The following SLCO1B3 variants were observed in gnomAD, a reference collection of about 807,000 sequenced individuals.
The protein encoded by SLCO1B3 is liver-specific organic anion transporter 2.
A neutral mutation model predicts 71.8 loss-of-function variants in SLCO1B3; 72 were observed. The observed-to-expected ratio is 1.00, with a 90% CI of 0.83 to 1.22. SLCO1B3 has a LOEUF of 1.22. Among genes scored for constraint, SLCO1B3 ranks in the 50% most tolerant of loss-of-function variants. SLCO1B3 has a pLI of 0.00. For synonymous variants in SLCO1B3, 298 were observed against 278.4 expected (o/e 1.07, Z -0.70); for missense variants, 911 against 819.7 (o/e 1.11, Z -1.36).
intron 3 of SLCO1B3, among the ~76,000 whole-genome samples, chr12:20,847,657 T>G (rs1490515385): frequency 1.3e-5 from 2 of 151,972 alleles, no homozygotes; most frequent in African/African-American, 4.8e-5. Context: ...TCATCGAATT[T>G]TAAGATAGGC....
rs762336646 is a variant in SLCO1B3 at position 20,815,754 on chromosome 12, C to T, written c.16C>T (p.His6Tyr). The T allele has an allele frequency of 8.8e-6, 14 of 1,592,640 alleles. No individual in the cohort carries two copies. The highest frequency in any genetic ancestry group is 1.2e-5 in the Non-Finnish European group (14 of 1,166,434). Residue 6 changes from histidine to tyrosine, a missense_variant, in exon 3 of 16, where the codon CAT becomes TAT. By Grantham distance (83) the His-to-Tyr change is moderately conservative. Coordinates refer to ENST00000381545, the MANE Select transcript of SLCO1B3 (RefSeq NM_019844.4). MDQHQHLNKTAESASS... is the reference protein window; with the variant it reads MDQHQYLNKTAESASS... The stretch of plus-strand genomic sequence containing the variant: ...TAGTTTAATAATGGACCAACATCAA[C>T]ATTTGAATAAAACAGCAGAGTCAGC...
intron 3 of SLCO1B3, among the ~76,000 whole-genome samples, chr12:20,831,546 T>G (rs1442214119): frequency 6.6e-6 from 1 of 152,182 alleles, no homozygotes; most frequent in Non-Finnish European, 1.5e-5. Flanking sequence ...TAAAGACTTG[T>G]GTGTCTGCAG....
rs777677238 is a variant in SLCO1B3, at chr12:20,916,282, G to T, written c.*35G>T. The stretch of plus-strand genomic sequence containing the variant: ...GATTCATTAAGATGTTATTTTTGAG[G>T]TGTTCCTGGTCTTTCACTGACAATT... On this transcript the variant is annotated 3_prime_UTR_variant, in exon 16 of 16. Coordinates refer to ENST00000381545, the MANE Select transcript of SLCO1B3 (RefSeq NM_019844.4). The T allele has an allele frequency of 6.3e-7, 1 of 1,592,750 alleles. No individual in the cohort carries two copies. Among genetic ancestry groups the T allele is most frequent in the Non-Finnish European group, 8.6e-7 (1 of 1,167,666 alleles).
At chr12:20,861,341 A>G (rs1242179048) in intron 6 of SLCO1B3, among the ~76,000 whole-genome samples, 3 of 66,494 alleles carry the variant, frequency 4.5e-5, no homozygotes, top group Non-Finnish European at 1.6e-4. Flanking sequence ...GTTCGCTTAT[A>G]TGCAGCTTTT....
intron 13 of SLCO1B3, among the ~76,000 whole-genome samples, chr12:20,898,069 A>G (rs2120364745): frequency 6.6e-6 from 1 of 152,276 alleles, no homozygotes; most frequent in African/African-American, 2.4e-5. Context: ...TCCTGGATAA[A>G]AGTATATAAT....
At chr12:20,832,929 T>C (rs1864573975) in intron 3 of SLCO1B3, among the ~76,000 whole-genome samples, 1 of 139,334 alleles carries the variant, frequency 7.2e-6, no homozygotes, top group African/African-American at 2.5e-5. Context: ...GTGTGTTTAA[T>C]GGCATAAAAC....
At chr12:20,831,817 G>C (rs949501666) in intron 3 of SLCO1B3, among the ~76,000 whole-genome samples, 3 of 152,172 alleles carry the variant, frequency 2.0e-5, no homozygotes, top group African/African-American at 4.8e-5. Flanking sequence ...CATAAAAAGA[G>C]ATGGTGAGAG....
chr12:20,883,765 T>G (rs1015523485), intron 13 of SLCO1B3, among the ~76,000 whole-genome samples, 163 bp downstream of exon 13: 1 of 151,956 alleles, frequency 6.6e-6, no homozygotes, highest in African/African-American at 2.4e-5. Flanking sequence ...ATAACATCAT[T>G]AATAATTTTT....
At chr12:20,896,650 T>C (rs2900462) in intron 13 of SLCO1B3, among the ~76,000 whole-genome samples, 107,164 of 152,026 alleles carry the variant, frequency 0.7, 40,003 homozygotes, top group South Asian at 0.89. Flanking sequence ...ATTTTCTTGT[T>C]TTTTTCTGAG....
At chr12:20,903,393 G>GT (rs1342727273) in intron 15 of SLCO1B3, among the ~76,000 whole-genome samples, 1 of 152,176 alleles carries the variant, frequency 6.6e-6, no homozygotes, top group East Asian at 1.9e-4. Flanking sequence ...AGTAATCAAT[G>GT]TATTAGTCTA....
chr12:20,887,466 AT>A, intron 13 of SLCO1B3, among the ~76,000 whole-genome samples: 1 of 152,078 alleles, frequency 6.6e-6, no homozygotes, highest in Non-Finnish European at 1.5e-5. Context: ...TTCTCTGATG[AT>A]TAGTGATGTT....
chr12:20,823,529 GT>G (rs1338788807), intron 3 of SLCO1B3, among the ~76,000 whole-genome samples: 1 of 152,208 alleles, frequency 6.6e-6, no homozygotes, highest in Non-Finnish European at 1.5e-5. Context: ...GAAAATCATA[GT>G]AGGACCAATT....
intron 3 of SLCO1B3, among the ~76,000 whole-genome samples, chr12:20,817,140 A>C (rs1387687163): frequency 6.6e-6 from 1 of 151,904 alleles, no homozygotes; most frequent in Non-Finnish European, 1.5e-5. Context: ...ATTTTCTCCT[A>C]CTCTGTGGGT....
intron 3 of SLCO1B3, among the ~76,000 whole-genome samples, chr12:20,817,375 G>A (rs1046818348): frequency 7.2e-5 from 11 of 151,984 alleles, no homozygotes; most frequent in Admixed American, 1.3e-4. Context: ...ATTTTGATTT[G>A]TTTTTGTATA....
At chr12:20,895,060 GA>G (rs1218517756) in intron 13 of SLCO1B3, among the ~76,000 whole-genome samples, 12 of 152,126 alleles carry the variant, frequency 7.9e-5, no homozygotes, top group Non-Finnish European at 1.5e-5. Flanking sequence ...CACTATCATG[GA>G]ACAGCATGGG....
intron 3 of SLCO1B3, among the ~76,000 whole-genome samples, chr12:20,847,432 G>A (rs371583611): frequency 3.9e-5 from 6 of 152,180 alleles, no homozygotes; most frequent in African/African-American, 1.4e-4. Flanking sequence ...TTCCCTCCCT[G>A]TGAGGGTACG....
chr12:20,836,663 A>C (rs577025069), intron 3 of SLCO1B3, among the ~76,000 whole-genome samples: 4 of 151,922 alleles, frequency 2.6e-5, no homozygotes, highest in Admixed American at 6.6e-5. Context: ...TTTTTTTGAG[A>C]TGGAGTCTCG....
At chr12:20,820,424 G>A (rs751597951) in intron 3 of SLCO1B3, among the ~76,000 whole-genome samples, 7 of 152,104 alleles carry the variant, frequency 4.6e-5, no homozygotes, top group African/African-American at 1.2e-4. Flanking sequence ...CCTGGGCTGC[G>A]GGCATTACTT....
At chr12:20,878,019 G>T in intron 10 of SLCO1B3, 83 bp downstream of exon 10, 1 of 926,104 alleles carries the variant, frequency 1.1e-6, no homozygotes. Flanking sequence ...TATTATGAAG[G>T]TGATTTTATA....
Sources: gnomAD v4.1 joint callset for allele counts (sites outside exome capture counted in the v4.1 genomes callset) on GRCh38, gnomAD v4.1.1 for gene constraint, MANE v1.5 for transcripts, NCBI Gene and HGNC (gene_info 2026-07-23, HGNC 2026-07-21) for gene names.